The following CLN3 variants were observed in gnomAD, a reference collection of about 807,000 sequenced individuals.
CLN3 encodes CLN3 lysosomal/endosomal transmembrane protein, battenin.
Under a neutral mutation model 60.7 loss-of-function variants are expected in CLN3, and 49 were observed. The observed-to-expected ratio is 0.81, with a 90% CI of 0.64 to 1.02. The LOEUF is 1.02. Ranked by LOEUF, CLN3 falls within the 50% of genes least tolerant of loss-of-function variation. The pLI, the probability that CLN3 is intolerant of heterozygous loss-of-function variation, is 0.00. For synonymous variants in CLN3, 256 were observed against 245.8 expected (o/e 1.04, Z -0.39); for missense variants, 516 against 557.4 (o/e 0.93, Z 0.75).
downstream of CLN3, chr16:28,475,255 GAAAACA>G (rs955063175): frequency 6.6e-6 from 1 of 152,206 alleles, no homozygotes; most frequent in Non-Finnish European, 1.5e-5. Flanking sequence ...TGGTCTCCAA[GAAAACA>G]AAAACAAAAA....
intron 1 of CLN3, 75 bp from the exon 2 acceptor site, chr16:28,491,910 G>C: frequency 9.9e-7 from 1 of 1,014,244 alleles, no homozygotes; most frequent in South Asian, 1.4e-5. Context: ...CGCGCCCCGC[G>C]ATCCATCAAG....
downstream of CLN3, among the ~76,000 whole-genome samples, chr16:28,471,763 T>C (rs2045951924): frequency 6.9e-6 from 1 of 145,150 alleles, no homozygotes; most frequent in Admixed American, 7.1e-5. Flanking sequence ...AACCGAGTGA[T>C]GATGTCCTTA....
chr16:28,491,764 T>A lies in CLN3; in HGVS notation c.-5A>T. ...CGAGCCTGCACAGCCTCCCATCGCA[T>A]CAAGTTCAGGTCCCCCGAGGGTCCA... On this transcript the variant is annotated 5_prime_UTR_variant, in exon 2 of 16. An upstream start codon of the reference 5' UTR is lost. Coordinates refer to ENST00000636147, the MANE Select transcript of CLN3 (RefSeq NM_001042432.2). 1.2e-6 allele frequency: 2 copies of A among 1,613,736 alleles called. No homozygotes were observed. The highest frequency in any genetic ancestry group is 1.7e-6 in the Non-Finnish European group (2 of 1,180,014).
chr16:28,491,636 C>A (rs769733324), intron 2 of CLN3, 76 bp from the exon 3 acceptor site: 1 of 1,613,674 alleles, frequency 6.2e-7, no homozygotes, highest in Non-Finnish European at 8.5e-7. Flanking sequence ...CCTCCCGGGG[C>A]CGAGTCAGCT....
chr16:28,491,977 C>T (rs2046323014), intron 1 of CLN3, 43 bp downstream of exon 1: 1 of 637,410 alleles, frequency 1.6e-6, no homozygotes, highest in Non-Finnish European at 2.8e-6. Context: ...ACCCATCGTA[C>T]TCTCCCCCGC....
chr16:28,470,544 G>A (rs2045939877), downstream of CLN3: 2 of 191,608 alleles, frequency 1.0e-5, no homozygotes, highest in Admixed American at 7.9e-5. Context: ...TCTGAGTTGG[G>A]GCGGGGGAGG....
Position 28,489,404 on chromosome 16 carries a change from G to A in CLN3, c.126-18C>T. 1 of 1,570,834 alleles carries A rather than the reference G, an allele frequency of 6.4e-7. No homozygotes were observed. The highest frequency in any genetic ancestry group is 1.1e-5 in the South Asian group (1 of 88,178). On this transcript the variant is annotated intron_variant, in intron 3 of 15. Coordinates refer to ENST00000636147, the MANE Select transcript of CLN3 (RefSeq NM_001042432.2). ...CCAGCAGCCTGGAAGGAGCAGGACA[G>A]GTCTCAACTCCCTCCTCATCCTGCA...
rs2046227272 is a variant in CLN3 at position 28,486,750 on chromosome 16, G to A, written c.461-100C>T. The A allele has an allele frequency of 5.2e-6, 6 of 1,163,524 alleles. No homozygotes were observed. The East Asian group carries it at 1.3e-4, about 25-fold the overall frequency. The allele number at this position is 1,163,524 out of a possible 1,614,324, so 72.1% of individuals were successfully genotyped here. On this transcript the variant is annotated intron_variant, in intron 7 of 15. Transcript: ENST00000636147. ...ATGGCCTCCTCAGTATCAGCTCATAGAGGCTCCAATAGATCCCATGCATAG... is the reference window on the plus strand; with the variant it reads ...ATGGCCTCCTCAGTATCAGCTCATAAAGGCTCCAATAGATCCCATGCATAG...
At chr16:28,487,823 T>G in intron 5 of CLN3, 82 bp from the exon 6 acceptor site, 1 of 1,139,270 alleles carries the variant, frequency 8.8e-7, no homozygotes, top group Non-Finnish European at 1.3e-6. Context: ...AGGCAGGAGC[T>G]GGCCAAACAG....
At chr16:28,482,981 G>A (rs1421302077) in intron 10 of CLN3, among the ~76,000 whole-genome samples, 3 of 151,876 alleles carry the variant, frequency 2.0e-5, no homozygotes, top group African/African-American at 4.8e-5. Flanking sequence ...GCAGGTGTCT[G>A]TAGTCCCAGC....
chr16:28,491,976 ACT>A lies in CLN3; in HGVS notation c.-77+42_-77+43del, dbSNP rs969188471. The A allele has an allele frequency of 2.0e-5, 13 of 634,432 alleles. No individual in the cohort carries two copies. The African/African-American group carries it at 2.2e-4, about 11-fold the overall frequency. 39.3% of individuals were successfully genotyped at this position (634,432 alleles called of 1,614,324 possible). A position where few individuals can be genotyped will look rare whatever the true frequency, so the allele number is the denominator to read the frequency against. On this transcript the variant is annotated intron_variant, in intron 1 of 15. Transcript: ENST00000636147. ...CGACCCACCACGCCCCACCCATCGT[ACT>A]CTCCCCCGCCCCGTCTACAGCAGGG...
At position 28,487,307 on chromosome 16, in the gene CLN3, C is replaced by T. The variant is rs1389772533; in HGVS notation, c.460+149G>A. On this transcript the variant is annotated intron_variant, in intron 7 of 15. Coordinates refer to ENST00000636147, the MANE Select transcript of CLN3 (RefSeq NM_001042432.2). ...GCCTACCCCTCCAAATTGTCCCAGT[C>T]TCCCATCGCCTACTGCTGATAGCCC... 4.2e-6 allele frequency: 3 copies of T among 722,284 alleles called. No individual in the cohort carries two copies. In the East Asian group the frequency reaches 8.1e-5, roughly 19 times the overall value. The allele number at this position is 722,284 out of a possible 1,614,324, so 44.7% of individuals were successfully genotyped here.
intron 9 of CLN3, among the ~76,000 whole-genome samples, chr16:28,485,759 C>T (rs1017194853): frequency 6.7e-6 from 1 of 150,012 alleles, no homozygotes; most frequent in Non-Finnish European, 1.5e-5. Context: ...ACCTTGGGAA[C>T]CACACTGTGC....
At chr16:28,480,213 A>T (rs575679863) in intron 14 of CLN3, among the ~76,000 whole-genome samples, 3 of 147,656 alleles carry the variant, frequency 2.0e-5, no homozygotes, top group South Asian at 2.1e-4. Flanking sequence ...CACCTGGCTT[A>T]TTTTTTTTTT....
rs2046107906 is a variant in CLN3, at chr16:28,482,127, G to A, written c.1034C>T (p.Thr345Ile). The A allele has an allele frequency of 6.2e-7, 1 of 1,613,538 alleles. No individual in the cohort carries two copies. The change falls in exon 14 of 16, where the codon ACC (threonine) becomes ATC (isoleucine). Residue 345 changes from threonine to isoleucine, a missense_variant. Transcript: ENST00000636147. ...SSLRCCRIRF[T>I]WALALLQCLN... ...TACCTGCAGCAGGGCCAGGGCCCAG[G>A]TGAAACGGATGCGACAGCAGCGGAG...
intron 5 of CLN3, 39 bp from the exon 6 acceptor site, chr16:28,487,780 G>C: frequency 6.4e-7 from 1 of 1,551,484 alleles, no homozygotes; most frequent in Non-Finnish European, 8.8e-7. Flanking sequence ...AGAGCTTCCA[G>C]GGGACAACCC....
intron 14 of CLN3, among the ~76,000 whole-genome samples, chr16:28,478,304 C>G (rs1249769738): frequency 1.1e-5 from 1 of 88,324 alleles, no homozygotes; most frequent in South Asian, 3.4e-4. Flanking sequence ...GACTCCATCC[C>G]AAAAAAAAAA....
At chr16:28,490,604 CA>C (rs1277484528) in intron 3 of CLN3, among the ~76,000 whole-genome samples, 1 of 150,446 alleles carries the variant, frequency 6.6e-6, no homozygotes, top group Admixed American at 6.7e-5. Context: ...ACTAAAAATA[CA>C]AAAAAATAGC....
chr16:28,490,759 C>CAAAAAAAAAAAAAAAAAAAA (rs772260404), intron 3 of CLN3, among the ~76,000 whole-genome samples: 1 of 55,110 alleles, frequency 1.8e-5, no homozygotes. Context: ...GACTCCGTCT[C>CAAAAAAAAAAAAAAAAAAAA]AAAAAAAAAA....
Sources: gnomAD v4.1 joint callset for allele counts (sites outside exome capture counted in the v4.1 genomes callset) on GRCh38, gnomAD v4.1.1 for gene constraint, MANE v1.5 for transcripts, NCBI Gene and HGNC (gene_info 2026-07-23, HGNC 2026-07-21) for gene names.